Variants in PTBP2 observed in about 807,000 individuals in gnomAD.
The protein encoded by PTBP2 is polypyrimidine tract binding protein 2.
In PTBP2, 13 loss-of-function variants were observed where a neutral mutation model predicts 61.4. The observed-to-expected ratio is 0.21, with a 90% CI of 0.14 to 0.34. The LOEUF (loss-of-function observed/expected upper bound fraction) is 0.34, where lower values mean the gene tolerates loss of function less well. PTBP2 is among the 10% of genes least tolerant of loss of function. The pLI is 1.00. For synonymous variants in PTBP2, 215 were observed against 218.5 expected (o/e 0.98, Z 0.14); for missense variants, 405 against 642.6 (o/e 0.63, Z 4.00).
chr1:96,816,462 T>G (rs1662489562), downstream of PTBP2: 1 of 152,070 alleles, frequency 6.6e-6, no homozygotes, highest in Admixed American at 6.6e-5. Flanking sequence ...ATCAGAAAAA[T>G]TATTTTTTGG....
At chr1:96,749,802 TC>T (rs1654310421) in intron 2 of PTBP2, 1 of 353,658 alleles carries the variant, frequency 2.8e-6, no homozygotes, top group Middle Eastern at 4.2e-4. Flanking sequence ...TAATCACTGT[TC>T]GTGTATAATT....
intron 8 of PTBP2, among the ~76,000 whole-genome samples, chr1:96,796,379 A>G (rs921423151): frequency 3.3e-5 from 5 of 152,134 alleles, no homozygotes; most frequent in Non-Finnish European, 7.4e-5. Flanking sequence ...TGTCACCATT[A>G]TATGTCTTTA....
At chr1:96,750,895 T>C (rs953557124) in intron 2 of PTBP2, among the ~76,000 whole-genome samples, 16 of 152,056 alleles carry the variant, frequency 1.1e-4, no homozygotes, top group African/African-American at 3.9e-4. Context: ...CATGACCTTA[T>C]TTTTTTGCAG....
At chr1:96,786,360 C>G (rs1340702872) in intron 8 of PTBP2, among the ~76,000 whole-genome samples, 1 of 152,064 alleles carries the variant, frequency 6.6e-6, no homozygotes, top group African/African-American at 2.4e-5. Context: ...TCTGGTGTAT[C>G]CTAGCAGAAG....
intron 10 of PTBP2, 71 bp from the exon 11 acceptor site, chr1:96,806,795 G>A: frequency 9.0e-7 from 1 of 1,113,074 alleles, no homozygotes; most frequent in Non-Finnish European, 1.3e-6. Context: ...ATGTCAGAAA[G>A]ATAATCTTTA....
intron 5 of PTBP2, among the ~76,000 whole-genome samples, chr1:96,776,656 A>C (rs1475658076): frequency 6.6e-6 from 1 of 151,802 alleles, no homozygotes; most frequent in Non-Finnish European, 1.5e-5. Flanking sequence ...TTTTAGAACT[A>C]TTTGCCTTTG....
rs190903383 is a variant in PTBP2 at position 96,749,585 on chromosome 1, T to C, written c.40-1840T>C. 4.9e-5 allele frequency: 22 copies of C among 453,060 alleles called. No homozygotes were observed. The East Asian group carries it at 1.5e-3, about 30-fold the overall frequency. The allele number at this position is 453,060 out of a possible 1,614,324, so 28.1% of individuals were successfully genotyped here. A position where few individuals can be genotyped will look rare whatever the true frequency, so the allele number is the denominator to read the frequency against. ...TGGAAGAGCTGGCTTTATTTCTCTA[T>C]CCTGTGGGAGGGGCAAACTTTGATT... On this transcript the variant is annotated intron_variant, in intron 2 of 13. Transcript: ENST00000674951.
At chr1:96,745,174 T>G (rs988166804) in intron 2 of PTBP2, among the ~76,000 whole-genome samples, 3 of 67,770 alleles carry the variant, frequency 4.4e-5, no homozygotes, top group Non-Finnish European at 7.0e-5. Context: ...GCAATATTGC[T>G]TTTTTTTTTT....
exon 14 of PTBP2, chr1:96,820,791 G>C (rs480547): frequency 0.57 from 85,961 of 151,920 alleles, 26,786 homozygotes; most frequent in African/African-American, 0.84. Flanking sequence ...TTTAGTGTCA[G>C]AGTTGAAGAT....
intron 8 of PTBP2, among the ~76,000 whole-genome samples, chr1:96,800,905 G>A (rs1362750758): frequency 1.3e-5 from 2 of 150,914 alleles, no homozygotes; most frequent in Non-Finnish European, 1.5e-5. Context: ...GGAAAACCCA[G>A]ATTTCAAGAA....
downstream of PTBP2, chr1:96,816,956 A>G (rs1052559653): frequency 6.6e-6 from 1 of 152,164 alleles, no homozygotes; most frequent in African/African-American, 2.4e-5. Flanking sequence ...TTTTTGCTAC[A>G]AAGAAATACT....
chr1:96,776,238 T>C (rs1181026626), intron 5 of PTBP2, among the ~76,000 whole-genome samples: 2 of 152,054 alleles, frequency 1.3e-5, no homozygotes, highest in East Asian at 1.9e-4. Context: ...GAAGATAATA[T>C]TGCAATGAGC....
chr1:96,811,895 G>T lies in PTBP2; in HGVS notation c.1172-817G>T, dbSNP rs377765277. 4.6e-5 allele frequency among the ~76,000 whole-genome samples: 7 copies of T among 152,328 alleles called. No individual in the cohort carries two copies. In the South Asian group the frequency reaches 1.2e-3, roughly 27 times the overall value. On this transcript the variant is annotated intron_variant, in intron 11 of 13. Coordinates refer to ENST00000674951, the MANE Select transcript of PTBP2 (RefSeq NM_021190.4). ...AAAAATGATCCAGCAGCTATGTCAAGAAATAGTCATGTAATGTTCTGTTTT... is the reference window on the plus strand; with the variant it reads ...AAAAATGATCCAGCAGCTATGTCAATAAATAGTCATGTAATGTTCTGTTTT...
At chr1:96,756,594 A>C (rs1655185147) in intron 3 of PTBP2, among the ~76,000 whole-genome samples, 1 of 150,800 alleles carries the variant, frequency 6.6e-6, no homozygotes, top group Admixed American at 6.6e-5. Context: ...ATATTCAGAC[A>C]GTATAATGTT....
At chr1:96,784,736 G>A (rs1221142046) in intron 7 of PTBP2, among the ~76,000 whole-genome samples, 1 of 151,954 alleles carries the variant, frequency 6.6e-6, no homozygotes, top group African/African-American at 2.4e-5. Flanking sequence ...TACTACTTTG[G>A]TAGGACTTCC....
chr1:96,736,624 G>A (rs1289691395), intron 2 of PTBP2, among the ~76,000 whole-genome samples: 1 of 152,156 alleles, frequency 6.6e-6, no homozygotes, highest in Non-Finnish European at 1.5e-5. Flanking sequence ...ATGTACAGCG[G>A]ATAATATTTT....
chr1:96,762,848 C>G lies in PTBP2; in HGVS notation c.116-6855C>G, dbSNP rs939063439. Among the ~76,000 whole-genome samples the G allele has an allele frequency of 8.6e-5, 13 of 151,650 alleles. 1 individual carries two copies. The highest frequency in any genetic ancestry group is 3.1e-4 in the African/African-American group (13 of 41,364). ...GGGGCGGCTGCTGGGCGGAGGGACT[C>G]CTCGCTTCTCAGATGGGGCGGCCGG... is the stretch of plus-strand genomic sequence containing the variant. On this transcript the variant is annotated intron_variant, in intron 3 of 13. Transcript: ENST00000674951.
chr1:96,734,998 A>G (rs1417227319), intron 2 of PTBP2, among the ~76,000 whole-genome samples: 7 of 138,100 alleles, frequency 5.1e-5, no homozygotes, highest in African/African-American at 1.9e-4. Context: ...GCTCAGTGCA[A>G]CCTCTGCCTC....
chr1:96,749,535 T>C (rs1243349523), intron 2 of PTBP2: 1 of 377,144 alleles, frequency 2.7e-6, no homozygotes, highest in Non-Finnish European at 5.5e-6. Flanking sequence ...TTTTAGAATA[T>C]CTGATCTGGA....
Sources: gnomAD v4.1 joint callset for allele counts (sites outside exome capture counted in the v4.1 genomes callset) on GRCh38, gnomAD v4.1.1 for gene constraint, MANE v1.5 for transcripts, NCBI Gene and HGNC (gene_info 2026-07-23, HGNC 2026-07-21) for gene names.